Variants in THADA observed in about 807,000 individuals in gnomAD.
The protein encoded by THADA is tRNA (32-2'-O)-methyltransferase regulator THADA.
THADA carries 213 observed loss-of-function variants against 219.8 expected under a neutral mutation model. That is an observed-to-expected ratio of 0.97 (90% CI 0.87 to 1.09). The LOEUF (loss-of-function observed/expected upper bound fraction) is 1.09. Ranked by LOEUF, THADA falls within the 50% of genes least tolerant of loss-of-function variation. THADA has a pLI of 0.00. For synonymous variants in THADA, 1,018 were observed against 828.9 expected (o/e 1.23, Z -3.92); for missense variants, 2,956 against 2,311.3 (o/e 1.28, Z -5.72).
chr2:43,263,387 G>C (rs1474834419), intron 36 of THADA, among the ~76,000 whole-genome samples: 1 of 151,994 alleles, frequency 6.6e-6, no homozygotes, highest in Non-Finnish European at 1.5e-5. Context: ...TATATGCTGG[G>C]TGGGTGGGTG....
Position 43,594,778 on chromosome 2 carries a change from A to G in THADA, c.-25+1153T>C, listed in dbSNP as rs115194540. ...ACACTTCTCAGTATCTCTGCCCCTT[A>G]ATGTTCATTCCACATCTTTGCAAGA... On this transcript the variant is annotated intron_variant, in intron 1 of 37. Coordinates refer to ENST00000405975, the MANE Select transcript of THADA (RefSeq NM_022065.5). Among the ~76,000 whole-genome samples, 879 of 152,230 alleles carry G rather than the reference A, an allele frequency of 5.8e-3. 15 individuals carry two copies. Among genetic ancestry groups the G allele is most frequent in the African/African-American group, 0.02 (828 of 41,530 alleles).
intron 26 of THADA, among the ~76,000 whole-genome samples, chr2:43,481,507 C>T (rs1686220961): frequency 6.6e-6 from 1 of 152,142 alleles, no homozygotes; most frequent in South Asian, 2.1e-4. Context: ...TTTCCCAATG[C>T]CTTGTAAAAA....
intron 22 of THADA, among the ~76,000 whole-genome samples, chr2:43,514,178 G>A (rs925906079): frequency 2.0e-5 from 3 of 151,784 alleles, no homozygotes; most frequent in South Asian, 2.1e-4. Flanking sequence ...AGCCAAGCAC[G>A]GTGGCTCACG....
intron 29 of THADA, among the ~76,000 whole-genome samples, chr2:43,389,093 T>C (rs1014803463): frequency 6.6e-6 from 1 of 152,168 alleles, no homozygotes; most frequent in Non-Finnish European, 1.5e-5. Flanking sequence ...TATGAGGTCA[T>C]TTTATTTTCC....
intron 31 of THADA, among the ~76,000 whole-genome samples, chr2:43,313,018 T>C (rs1271954053): frequency 6.6e-6 from 1 of 152,230 alleles, no homozygotes; most frequent in Non-Finnish European, 1.5e-5. Context: ...GTTTTCATTC[T>C]CTGTAACTGT....
At chr2:43,312,260 T>G (rs1677603433) in intron 31 of THADA, among the ~76,000 whole-genome samples, 1 of 151,182 alleles carries the variant, frequency 6.6e-6, no homozygotes, top group East Asian at 1.9e-4. Flanking sequence ...AGTTGTTGAC[T>G]AGAACGGTAT....
At chr2:43,263,115 A>C (rs1192621114) in intron 36 of THADA, among the ~76,000 whole-genome samples, 1 of 152,096 alleles carries the variant, frequency 6.6e-6, no homozygotes, top group East Asian at 1.9e-4. Flanking sequence ...TGCTGGACTA[A>C]ATGTGTCACG....
At chr2:43,534,191 T>G (rs1694252969) in intron 21 of THADA, among the ~76,000 whole-genome samples, 1 of 152,156 alleles carries the variant, frequency 6.6e-6, no homozygotes, top group Non-Finnish European at 1.5e-5. Flanking sequence ...TTTTAAAAAT[T>G]CTTTTTCATT....
At chr2:43,255,741 T>A (rs1670240098) in intron 36 of THADA, among the ~76,000 whole-genome samples, 1 of 152,244 alleles carries the variant, frequency 6.6e-6, no homozygotes, top group Non-Finnish European at 1.5e-5. Flanking sequence ...TCACTCATTA[T>A]CGGGTTTCCA....
intron 22 of THADA, among the ~76,000 whole-genome samples, chr2:43,509,377 G>A (rs7559406): frequency 0.011 from 1,691 of 152,278 alleles, 37 homozygotes; most frequent in African/African-American, 0.038. Flanking sequence ...ATCTTAGAGT[G>A]CTCAAGTACA....
At chr2:43,529,867 C>A (rs1326988303) in intron 21 of THADA, among the ~76,000 whole-genome samples, 1 of 152,170 alleles carries the variant, frequency 6.6e-6, no homozygotes, top group Non-Finnish European at 1.5e-5. Context: ...GGGCAAGTAT[C>A]TCAGTTTCCT....
At chr2:43,549,012 C>T (rs929124467) in intron 20 of THADA, among the ~76,000 whole-genome samples, 198 bp downstream of exon 20, 1 of 152,192 alleles carries the variant, frequency 6.6e-6, no homozygotes, top group Admixed American at 6.5e-5. Flanking sequence ...GCCATCTTGG[C>T]TCCACCCCCC....
At chr2:43,510,934 G>A (rs1159233392) in intron 22 of THADA, among the ~76,000 whole-genome samples, 1 of 151,310 alleles carries the variant, frequency 6.6e-6, no homozygotes, top group Admixed American at 6.6e-5. Flanking sequence ...TGGCGCCACT[G>A]CACTCTAGCC....
chr2:43,403,375 T>C (rs560698739), intron 28 of THADA, among the ~76,000 whole-genome samples: 2 of 152,306 alleles, frequency 1.3e-5, no homozygotes, highest in South Asian at 2.1e-4. Flanking sequence ...TCCTGAACAC[T>C]TATTAAAGAC....
chr2:43,540,451 G>T (rs1281362159), intron 21 of THADA, among the ~76,000 whole-genome samples: 1 of 152,110 alleles, frequency 6.6e-6, no homozygotes, highest in African/African-American at 2.4e-5. Context: ...TTCTTGAATT[G>T]TAACACCCTA....
chr2:43,525,119 AC>A (rs2103710891), intron 22 of THADA, among the ~76,000 whole-genome samples: 2 of 152,308 alleles, frequency 1.3e-5, no homozygotes, highest in African/African-American at 4.8e-5. Context: ...AAACAAAAAA[AC>A]TTACTCATCT....
At chr2:43,275,065 G>A (rs1672574861) in intron 36 of THADA, among the ~76,000 whole-genome samples, 1 of 147,478 alleles carries the variant, frequency 6.8e-6, no homozygotes, top group Non-Finnish European at 1.5e-5. Flanking sequence ...TGTGATCTTG[G>A]CTCACTGCAT....
intron 17 of THADA, among the ~76,000 whole-genome samples, chr2:43,552,779 G>T (rs1003868058): frequency 4.0e-5 from 6 of 150,722 alleles, no homozygotes; most frequent in African/African-American, 1.2e-4. Flanking sequence ...ATTAATTTTA[G>T]AACATTTTCA....
At chr2:43,435,733 A>G (rs1348674292) in intron 26 of THADA, among the ~76,000 whole-genome samples, 1 of 147,474 alleles carries the variant, frequency 6.8e-6, no homozygotes, top group Non-Finnish European at 1.5e-5. Context: ...CAGTGAGCTG[A>G]GATCGTGTAA....
Sources: gnomAD v4.1 joint callset for allele counts (sites outside exome capture counted in the v4.1 genomes callset) on GRCh38, gnomAD v4.1.1 for gene constraint, MANE v1.5 for transcripts, NCBI Gene and HGNC (gene_info 2026-07-23, HGNC 2026-07-21) for gene names.